TLL1: variants seen among roughly 807,000 people sequenced by gnomAD.
TLL1 encodes the protein tolloid-like protein 1.
A neutral mutation model predicts 128.2 loss-of-function variants in TLL1; 49 were observed. That is an observed-to-expected ratio of 0.38 (90% CI 0.30 to 0.48). TLL1 has a LOEUF of 0.48. Among genes scored for constraint, TLL1 ranks in the 20% least tolerant of loss-of-function variants. The pLI is 0.96. For synonymous variants in TLL1, 454 were observed against 418.8 expected (o/e 1.08, Z -1.03); for missense variants, 1,123 against 1,242.0 (o/e 0.90, Z 1.44).
rs1295294657 is a variant in TLL1 at position 166,007,999 on chromosome 4, A to C, written c.868A>C (p.Arg290=). ...EPGEVNSLGE[R]YDFDSIMHYA... ...TGGAGAAGTAAACTCACTTGGAGAA[A>C]GATATGATTTCGACAGTATCATGCA... The change falls in exon 7 of 21, where the codon AGA becomes CGA. Residue 290 remains arginine, a synonymous_variant. Transcript: ENST00000061240. 6.2e-7 allele frequency: 1 copy of C among 1,609,924 alleles called. No homozygotes were observed. Among genetic ancestry groups the C allele is most frequent in the Non-Finnish European group, 8.5e-7 (1 of 1,177,030 alleles).
Position 166,077,229 on chromosome 4 carries a change from TAA to T in TLL1, c.2315-661_2315-660del, listed in dbSNP as rs34063206. ...GTCTAAAATGAGGTTATTTTAATTG[TAA>T]AAAAAAAAAAAACCCTTAAGTAATT... On this transcript the variant is annotated intron_variant, in intron 17 of 20. Coordinates refer to ENST00000061240, the MANE Select transcript of TLL1 (RefSeq NM_012464.5). Among the ~76,000 whole-genome samples the T allele has an allele frequency of 3.0e-3, 434 of 145,852 alleles. 2 individuals carry two copies. Among genetic ancestry groups the T allele is most frequent in the African/African-American group, 7.0e-3 (281 of 40,046 alleles).
chr4:165,901,753 T>C (rs964397975), intron 1 of TLL1, among the ~76,000 whole-genome samples: 2 of 152,206 alleles, frequency 1.3e-5, no homozygotes, highest in African/African-American at 4.8e-5. Context: ...AGTCTGTTCC[T>C]TAGCAGAGCT....
intron 1 of TLL1, among the ~76,000 whole-genome samples, chr4:165,880,944 T>G (rs1182855011): frequency 2.0e-5 from 3 of 152,172 alleles, no homozygotes; most frequent in African/African-American, 4.8e-5. Flanking sequence ...AAGAGTTTAT[T>G]GGGATAATCT....
At chr4:165,930,967 C>T (rs887843785) in intron 1 of TLL1, among the ~76,000 whole-genome samples, 1 of 152,132 alleles carries the variant, frequency 6.6e-6, no homozygotes, top group African/African-American at 2.4e-5. Flanking sequence ...ATAGCAAATG[C>T]TTCTAAAGTG....
intron 1 of TLL1, among the ~76,000 whole-genome samples, chr4:165,971,264 C>G (rs566305218): frequency 3.9e-5 from 6 of 152,320 alleles, no homozygotes; most frequent in South Asian, 2.1e-4. Context: ...ATATCACCCC[C>G]ATGCATGTCC....
intron 1 of TLL1, among the ~76,000 whole-genome samples, chr4:165,874,311 T>C (rs1387549675): frequency 3.3e-5 from 5 of 152,102 alleles, no homozygotes; most frequent in Admixed American, 6.5e-5. Flanking sequence ...ATCTCCCAGT[T>C]TGGGAATAAG....
intron 1 of TLL1, among the ~76,000 whole-genome samples, chr4:165,883,694 T>A (rs1454573469): frequency 2.0e-5 from 3 of 152,202 alleles, no homozygotes; most frequent in Non-Finnish European, 2.9e-5. Flanking sequence ...ATGATCTTTA[T>A]GAAATCATTT....
chr4:165,876,159 A>G (rs1240792644), intron 1 of TLL1, among the ~76,000 whole-genome samples: 4 of 152,236 alleles, frequency 2.6e-5, no homozygotes, highest in Admixed American at 1.3e-4. Flanking sequence ...AGAAGTATGC[A>G]CAGAATGTGA....
intron 1 of TLL1, among the ~76,000 whole-genome samples, chr4:165,968,203 GT>G (rs1260228156): frequency 2.0e-5 from 3 of 152,086 alleles, no homozygotes; most frequent in African/African-American, 7.2e-5. Flanking sequence ...GTGTTTACAT[GT>G]CTTTTTCTTT....
chr4:165,935,615 A>C (rs1326558235), intron 1 of TLL1, among the ~76,000 whole-genome samples: 1 of 152,212 alleles, frequency 6.6e-6, no homozygotes, highest in Non-Finnish European at 1.5e-5. Context: ...TCATGATCAC[A>C]GGCCTTTTCC....
Position 166,099,272 on chromosome 4 carries a change from G to C in TLL1, c.2657-5G>C. ...TTACTCATCTTATTTTTCTTTCCTG[G>C]GCAGAGTGTGGCGGACGATTGAAAG... On this transcript the variant is annotated splice_region_variant and splice_polypyrimidine_tract_variant and intron_variant, in intron 19 of 20. Coordinates refer to ENST00000061240, the MANE Select transcript of TLL1 (RefSeq NM_012464.5). The C allele has an allele frequency of 6.2e-7, 1 of 1,613,374 alleles. No homozygotes were observed. The highest frequency in any genetic ancestry group is 8.5e-7 in the Non-Finnish European group (1 of 1,179,554).
In TLL1 at chr4:165,994,622, G is replaced by C. The variant is rs143129141; in HGVS notation, c.514+89G>C. 2.7e-5 allele frequency: 40 copies of C among 1,473,338 alleles called. No individual in the cohort carries two copies. The African/African-American group carries it at 5.7e-4, about 21-fold the overall frequency. 91.3% of individuals were successfully genotyped at this position (1,473,338 alleles called of 1,614,324 possible). A position where few individuals can be genotyped will look rare whatever the true frequency, so the allele number is the denominator to read the frequency against. On this transcript the variant is annotated intron_variant, in intron 4 of 20. Transcript: ENST00000061240. ...CTATTTTTATAGAATATTAACATAA[G>C]ATACATAGTATTAAGTCAAGGTTGG...
chr4:166,046,421 C>T (rs1739463907), intron 12 of TLL1, among the ~76,000 whole-genome samples: 1 of 152,098 alleles, frequency 6.6e-6, no homozygotes, highest in South Asian at 2.1e-4. Context: ...ATCTTCTAGG[C>T]AAGGAAACTG....
At chr4:165,881,225 A>G (rs1730953530) in intron 1 of TLL1, among the ~76,000 whole-genome samples, 1 of 152,232 alleles carries the variant, frequency 6.6e-6, no homozygotes, top group African/African-American at 2.4e-5. Flanking sequence ...GAAGGGAATG[A>G]GTCCTCACCT....
chr4:165,906,040 G>A (rs1012363932), intron 1 of TLL1, among the ~76,000 whole-genome samples: 1 of 151,998 alleles, frequency 6.6e-6, no homozygotes, highest in Admixed American at 6.6e-5. Flanking sequence ...GCAAACTAAG[G>A]CCCGATGCCT....
intron 3 of TLL1, among the ~76,000 whole-genome samples, chr4:165,993,308 T>C (rs997684318): frequency 6.6e-6 from 1 of 151,992 alleles, no homozygotes; most frequent in East Asian, 1.9e-4. Context: ...GTTTTGACCA[T>C]TCAAAAAATA....
At chr4:165,881,972 A>G (rs942205749) in intron 1 of TLL1, among the ~76,000 whole-genome samples, 10 of 152,240 alleles carry the variant, frequency 6.6e-5, no homozygotes, top group African/African-American at 2.4e-4. Flanking sequence ...GAGCCCATAC[A>G]GAGTGCAAGA....
At chr4:166,031,351 C>T (rs944074366) in intron 9 of TLL1, among the ~76,000 whole-genome samples, 19 of 141,154 alleles carry the variant, frequency 1.3e-4, no homozygotes, top group African/African-American at 1.6e-4. Context: ...TAAATTATGG[C>T]GATTGCAAGG....
In TLL1 at chr4:166,074,970, G is replaced by T. The variant is rs1440629217; in HGVS notation, c.2281G>T (p.Val761Leu). 6.2e-6 allele frequency: 10 copies of T among 1,613,506 alleles called. 1 individual carries two copies. The highest frequency in any genetic ancestry group is 4.4e-5 in the South Asian group (4 of 91,084). Residue 761 changes from valine to leucine, a missense_variant, in exon 17 of 21, where the codon GTG (valine) becomes TTG (leucine). By Grantham distance (32) the Val-to-Leu change is conservative. Transcript: ENST00000061240. ...CATGTGTCAATGCCGTAATGGATTTGTGCTACATGACAATAAACATGATTG... is the reference window on the plus strand; with the variant it reads ...CATGTGTCAATGCCGTAATGGATTTTTGCTACATGACAATAAACATGATTG... ...SYMCQCRNGF[V>L]LHDNKHDCKE...
Sources: allele counts gnomAD v4.1 joint callset (sites outside exome capture counted in the v4.1 genomes callset), GRCh38; gene constraint gnomAD v4.1.1; transcripts MANE v1.5; gene names NCBI Gene and HGNC (gene_info 2026-07-23, HGNC 2026-07-21).